The following SYTL5 variants were observed in gnomAD, a reference collection of about 807,000 sequenced individuals.
The protein encoded by SYTL5 is synaptotagmin like 5, also known as synaptotagmin-like protein 5.
In SYTL5, 34 loss-of-function variants were observed where a neutral mutation model predicts 55.9. The ratio of observed to expected loss-of-function variants is 0.61; its 90% CI spans 0.46 to 0.81. SYTL5 has a LOEUF of 0.81. Among genes scored for constraint, SYTL5 ranks in the 30% least tolerant of loss-of-function variants. The pLI is 0.00. For synonymous variants in SYTL5, 221 were observed against 188.7 expected, an observed-to-expected ratio of 1.17 and a Z score of -1.40; for missense variants, 637 against 546.7, an observed-to-expected ratio of 1.17 and a Z score of -1.65.
intron 2 of SYTL5, among the ~76,000 whole-genome samples, chrX:38,045,983 G>T (rs1161034226): frequency 9.0e-6 from 1 of 111,685 alleles, no homozygotes; most frequent in Non-Finnish European, 1.9e-5. Flanking sequence ...GCATGGCTTT[G>T]CACAGCTAGG....
intron 2 of SYTL5, among the ~76,000 whole-genome samples, chrX:38,040,729 T>C (rs1935260528): frequency 8.9e-6 from 1 of 111,985 alleles, no homozygotes; most frequent in Non-Finnish European, 1.9e-5. Context: ...ATTCATCTGT[T>C]GATGGCTGCT....
At chrX:37,934,426 G>A in the SYTL5 span, among the ~76,000 whole-genome samples, 1 of 107,042 alleles carries the variant, frequency 9.3e-6, no homozygotes, top group African/African-American at 3.4e-5. Context: ...TTTCAGTCGA[G>A]GTGTTCAACA....
the SYTL5 span, among the ~76,000 whole-genome samples, chrX:37,905,188 C>T: frequency 9.0e-6 from 1 of 110,930 alleles, no homozygotes; most frequent in Non-Finnish European, 1.9e-5. Context: ...AGGAAGGTGA[C>T]CCCTGGCACC....
chrX:38,016,310 A>T (rs183092425), intron 1 of SYTL5, among the ~76,000 whole-genome samples: 13 of 111,896 alleles, frequency 1.2e-4, no homozygotes, highest in African/African-American at 3.9e-4. Flanking sequence ...AAGTTTGCCA[A>T]CCTCTAATAT....
chrX:38,047,421 C>T (rs1465198061), intron 2 of SYTL5, among the ~76,000 whole-genome samples: 5 of 113,050 alleles, frequency 4.4e-5, no homozygotes, highest in Non-Finnish European at 7.5e-5. Flanking sequence ...CCTCTGAAGC[C>T]GTGGTCTGAG....
At chrX:37,951,612 A>G in the SYTL5 span, among the ~76,000 whole-genome samples, 5 of 110,851 alleles carry the variant, frequency 4.5e-5, no homozygotes, top group Non-Finnish European at 9.5e-5. Flanking sequence ...GGAGGAGAAA[A>G]CCATAAACTG....
At chrX:38,109,719 A>G (rs1160809092) in intron 12 of SYTL5, among the ~76,000 whole-genome samples, 2 of 108,627 alleles carry the variant, frequency 1.8e-5, no homozygotes, top group Non-Finnish European at 3.8e-5. Flanking sequence ...TGCATAGAAC[A>G]AGCAGAAGGC....
chrX:38,026,685 G>T (rs778889846), intron 1 of SYTL5, among the ~76,000 whole-genome samples: 4 of 111,817 alleles, frequency 3.6e-5, no homozygotes, highest in African/African-American at 9.7e-5. Context: ...CATGGCATCT[G>T]TAAACTGTCA....
chrX:38,111,950 C>T (rs917442317), intron 13 of SYTL5, among the ~76,000 whole-genome samples: 1 of 110,612 alleles, frequency 9.0e-6, no homozygotes, highest in Admixed American at 9.7e-5. Flanking sequence ...TCCCCTAGAC[C>T]TCTCCTAGGC....
At chrX:38,082,325 C>T (rs1936552986) in intron 6 of SYTL5, among the ~76,000 whole-genome samples, 1 of 112,003 alleles carries the variant, frequency 8.9e-6, no homozygotes, top group Admixed American at 9.5e-5. Flanking sequence ...TCACTGCTAC[C>T]TAAATATGTA....
intron 1 of SYTL5, among the ~76,000 whole-genome samples, chrX:38,027,759 T>A (rs1186036493): frequency 2.7e-5 from 3 of 110,874 alleles, no homozygotes; most frequent in East Asian, 5.6e-4. Flanking sequence ...AAATAAGACC[T>A]TTTTTTTAAA....
chrX:37,902,873 TTAA>T, the SYTL5 span, among the ~76,000 whole-genome samples: 1 of 111,971 alleles, frequency 8.9e-6, no homozygotes, highest in Non-Finnish European at 1.9e-5. Flanking sequence ...ACCATCTGCC[TTAA>T]TAATGATGCC....
chrX:38,058,017 CT>C (rs1450053805), intron 3 of SYTL5, among the ~76,000 whole-genome samples: 6 of 111,390 alleles, frequency 5.4e-5, no homozygotes, highest in African/African-American at 1.9e-4. Flanking sequence ...TTGAAGAAAA[CT>C]TTCCCTAACA....
upstream of SYTL5, among the ~76,000 whole-genome samples, chrX:38,002,731 A>G (rs1260054430): frequency 2.7e-5 from 3 of 111,243 alleles, no homozygotes; most frequent in Non-Finnish European, 3.8e-5. Context: ...TTTTCTTGTA[A>G]ATTTGTTTGA....
intron 15 of SYTL5, among the ~76,000 whole-genome samples, chrX:38,123,492 G>A (rs1331276511): frequency 9.0e-6 from 1 of 111,602 alleles, no homozygotes; most frequent in Non-Finnish European, 1.9e-5. Flanking sequence ...CCCCATTGGT[G>A]AGTGTGTATG....
At chrX:38,003,732 G>T (rs773957547), upstream of SYTL5, among the ~76,000 whole-genome samples, 7 of 111,789 alleles carry the variant, frequency 6.3e-5, no homozygotes, top group African/African-American at 2.3e-4. Context: ...ACTACTTTAA[G>T]TTCATATTTT....
chrX:37,900,117 G>GACAC, the SYTL5 span, among the ~76,000 whole-genome samples: 38 of 105,294 alleles, frequency 3.6e-4, no homozygotes, highest in East Asian at 3.8e-3. Flanking sequence ...CACACACAAA[G>GACAC]ACACACACAC....
At chrX:37,889,206 C>A in the SYTL5 span, among the ~76,000 whole-genome samples, 1 of 112,368 alleles carries the variant, frequency 8.9e-6, no homozygotes, top group Non-Finnish European at 1.9e-5. Context: ...GAGTTCATAA[C>A]AGGAGCTGTA....
chrX:38,042,460 C>A (rs1935314343), intron 2 of SYTL5, among the ~76,000 whole-genome samples: 1 of 111,707 alleles, frequency 9.0e-6, no homozygotes, highest in African/African-American at 3.3e-5. Context: ...GGAGATCCAA[C>A]TTTGTTTATT....
Sources: allele counts gnomAD v4.1 joint callset (sites outside exome capture counted in the v4.1 genomes callset), GRCh38; gene constraint gnomAD v4.1.1; transcripts MANE v1.5; gene names NCBI Gene and HGNC (gene_info 2026-07-23, HGNC 2026-07-21).